The following SHROOM3 variants were observed in gnomAD, a reference collection of about 807,000 sequenced individuals.
SHROOM3 encodes the protein protein Shroom3.
SHROOM3 carries 47 observed loss-of-function variants against 138.6 expected under a neutral mutation model. The observed-to-expected ratio is 0.34, with a 90% CI of 0.27 to 0.43. SHROOM3 has a LOEUF of 0.43. SHROOM3 is among the 20% of genes least tolerant of loss of function. SHROOM3 has a pLI of 1.00. For synonymous variants in SHROOM3, 1,062 were observed against 1,063.3 expected (o/e 1.00, Z 0.02); for missense variants, 2,491 against 2,596.5 (o/e 0.96, Z 0.88).
At chr4:76,722,983 G>A (rs970170157) in intron 3 of SHROOM3, among the ~76,000 whole-genome samples, 7 of 151,368 alleles carry the variant, frequency 4.6e-5, no homozygotes, top group Admixed American at 4.6e-4. Flanking sequence ...CACTTGACTC[G>A]GGTCCAGTTG....
intron 1 of SHROOM3, among the ~76,000 whole-genome samples, chr4:76,486,173 A>G (rs1314083281): frequency 6.6e-6 from 1 of 152,236 alleles, no homozygotes; most frequent in Non-Finnish European, 1.5e-5. Context: ...TGGATCAATA[A>G]GCACAGATAT....
chr4:76,695,985 T>C (rs1719714138), intron 2 of SHROOM3, among the ~76,000 whole-genome samples: 1 of 152,156 alleles, frequency 6.6e-6, no homozygotes, highest in Non-Finnish European at 1.5e-5. Flanking sequence ...AGCCCTGTAT[T>C]TGAAAGAGTG....
chr4:76,716,527 A>G, intron 3 of SHROOM3: 2 of 440,278 alleles, frequency 4.5e-6, no homozygotes, highest in Non-Finnish European at 9.0e-6. Context: ...ATAAAGAAAA[A>G]TAACCAACTG....
intron 1 of SHROOM3, among the ~76,000 whole-genome samples, chr4:76,502,093 T>C (rs1218161986): frequency 6.6e-6 from 1 of 152,052 alleles, no homozygotes; most frequent in African/African-American, 2.4e-5. Context: ...ACTGGTGGCT[T>C]TATAACAAGA....
At chr4:76,455,288 G>A (rs1731005483) in intron 1 of SHROOM3, among the ~76,000 whole-genome samples, 1 of 151,834 alleles carries the variant, frequency 6.6e-6, no homozygotes, top group African/African-American at 2.4e-5. Context: ...TTTTATATAT[G>A]ATCTCTATTA....
At chr4:76,445,421 G>C (rs1730785516) in intron 1 of SHROOM3, among the ~76,000 whole-genome samples, 1 of 152,154 alleles carries the variant, frequency 6.6e-6, no homozygotes, top group African/African-American at 2.4e-5. Context: ...CAGAGTGATA[G>C]TGTCTGTGAG....
At chr4:76,536,309 C>T (rs970367707) in intron 1 of SHROOM3, among the ~76,000 whole-genome samples, 1 of 152,098 alleles carries the variant, frequency 6.6e-6, no homozygotes, top group African/African-American at 2.4e-5. Flanking sequence ...TGAGAGATTG[C>T]CAGGAATCTC....
intron 1 of SHROOM3, among the ~76,000 whole-genome samples, chr4:76,499,803 C>T (rs1488309951): frequency 6.6e-6 from 1 of 152,096 alleles, no homozygotes; most frequent in Admixed American, 6.5e-5. Context: ...GATTGAGGGA[C>T]ATTCTTATTG....
intron 1 of SHROOM3, among the ~76,000 whole-genome samples, chr4:76,477,505 T>A (rs1020691237): frequency 3.3e-5 from 5 of 152,142 alleles, no homozygotes; most frequent in Admixed American, 3.3e-4. Flanking sequence ...TATATTAATT[T>A]TTAAATTTTG....
At chr4:76,602,042 G>A (rs1364700808) in intron 2 of SHROOM3, among the ~76,000 whole-genome samples, 1 of 152,214 alleles carries the variant, frequency 6.6e-6, no homozygotes, top group Non-Finnish European at 1.5e-5. Context: ...GAAGTTGGTT[G>A]AGGAAATGCC....
At chr4:76,448,815 A>G (rs2109968383) in intron 1 of SHROOM3, among the ~76,000 whole-genome samples, 1 of 152,346 alleles carries the variant, frequency 6.6e-6, no homozygotes, top group Non-Finnish European at 1.5e-5. Context: ...GACCCTAAAG[A>G]CTAATGTAGA....
In SHROOM3 at chr4:76,608,743, T is replaced by TAGCATAGCATAGCATAGCAC. The variant is rs1270655131; in HGVS notation, c.323+52984_323+52985insTAGCATAGCATAGCACAGCA. ...CAGCACAGCACAGCATAGCATAGCA[T>TAGCATAGCATAGCATAGCAC]AGCACAGTGTCAGGTTAGAAGGCCT... On this transcript the variant is annotated intron_variant, in intron 2 of 10. Transcript: ENST00000296043. Among the ~76,000 whole-genome samples, 114 of 130,500 alleles carry TAGCATAGCATAGCATAGCAC rather than the reference T, an allele frequency of 8.7e-4. 13 individuals are homozygous for TAGCATAGCATAGCATAGCAC. The highest frequency in any genetic ancestry group is 3.7e-3 in the Middle Eastern group (1 of 272). 85.6% of individuals were successfully genotyped at this position (130,500 alleles called of 152,430 possible).
Position 76,622,083 on chromosome 4 carries a change from G to A in SHROOM3, c.323+66320G>A, listed in dbSNP as rs540126701. Among the ~76,000 whole-genome samples, 10 of 152,012 alleles carry A rather than the reference G, an allele frequency of 6.6e-5. No individual in the cohort carries two copies. The South Asian group carries it at 1.9e-3, about 29-fold the overall frequency. On this transcript the variant is annotated intron_variant, in intron 2 of 10. Transcript: ENST00000296043. The stretch of plus-strand genomic sequence containing the variant: ...TTACCTCAGGCGATCCACCCACCTC[G>A]GCCTCCCAAAGTGCTGGGATTGCGC...
At chr4:76,590,912 G>C (rs571526350) in intron 2 of SHROOM3, among the ~76,000 whole-genome samples, 1 of 152,212 alleles carries the variant, frequency 6.6e-6, no homozygotes, top group South Asian at 2.1e-4. Flanking sequence ...TATATGCCTG[G>C]CTATTTAGTT....
chr4:76,440,184 T>G (rs936142803), intron 1 of SHROOM3, among the ~76,000 whole-genome samples: 1 of 152,226 alleles, frequency 6.6e-6, no homozygotes, highest in South Asian at 2.1e-4. Flanking sequence ...CCAGGCTCTA[T>G]TCCAAGAGAT....
chr4:76,493,840 A>T (rs537280406), intron 1 of SHROOM3, among the ~76,000 whole-genome samples: 1 of 152,080 alleles, frequency 6.6e-6, no homozygotes, highest in Non-Finnish European at 1.5e-5. Context: ...TTAGCCGGGC[A>T]TGGTGGTGGC....
intron 2 of SHROOM3, among the ~76,000 whole-genome samples, chr4:76,683,122 G>GTGAA (rs1285711312): frequency 6.6e-6 from 1 of 152,142 alleles, no homozygotes; most frequent in Non-Finnish European, 1.5e-5. Context: ...ATGAATGTAG[G>GTGAA]TGAAGGGTAG....
chr4:76,600,449 G>A (rs1474904071), intron 2 of SHROOM3, among the ~76,000 whole-genome samples: 1 of 152,150 alleles, frequency 6.6e-6, no homozygotes, highest in Non-Finnish European at 1.5e-5. Flanking sequence ...GGTACTTTCA[G>A]CTTTCACATG....
intron 1 of SHROOM3, among the ~76,000 whole-genome samples, chr4:76,460,200 G>T (rs1457111398): frequency 1.3e-5 from 2 of 152,112 alleles, no homozygotes; most frequent in Non-Finnish European, 2.9e-5. Context: ...TTTAACTTAG[G>T]CATTAGATAT....
Sources: allele counts gnomAD v4.1 joint callset (sites outside exome capture counted in the v4.1 genomes callset), GRCh38; gene constraint gnomAD v4.1.1; transcripts MANE v1.5; gene names NCBI Gene and HGNC (gene_info 2026-07-23, HGNC 2026-07-21).